The following RANBP2 variants were observed in gnomAD, a reference collection of about 807,000 sequenced individuals.
RANBP2 encodes E3 SUMO-protein ligase RanBP2.
In RANBP2, 57 loss-of-function variants were observed where a neutral mutation model predicts 303.6. The observed-to-expected ratio is 0.19, with a 90% confidence interval of 0.15 to 0.23. RANBP2 has a LOEUF of 0.23. Among genes scored for constraint, RANBP2 ranks in the 10% least tolerant of loss-of-function variants. The pLI is 1.00. For synonymous variants in RANBP2, 1,167 were observed against 1,301.5 expected, an observed-to-expected ratio of 0.90 and a Z score of 2.23; for missense variants, 3,138 against 3,780.8, an observed-to-expected ratio of 0.83 and a Z score of 4.46.
At chr2:108,858,264 A>G in the RANBP2 span, among the ~76,000 whole-genome samples, 1 of 152,150 alleles carries the variant, frequency 6.6e-6, no homozygotes, top group Non-Finnish European at 1.5e-5. Context: ...GAATCACTTG[A>G]ACCCAGGAGG....
chr2:109,611,807 G>A, the RANBP2 span, among the ~76,000 whole-genome samples: 8 of 152,242 alleles, frequency 5.3e-5, no homozygotes, highest in African/African-American at 1.9e-4. Context: ...TATAAGAATG[G>A]CTAAATTAAA....
the RANBP2 span, among the ~76,000 whole-genome samples, chr2:109,279,733 ACGCTTGGGAGCAGTGACGCGAAACT>A: frequency 7.1e-6 from 1 of 140,568 alleles, no homozygotes; most frequent in Non-Finnish European, 1.5e-5. Context: ...GAAATTCAGT[ACGCTTGGGAGCAGTGACGCGAAACT>A]TCGCAGACGC....
At chr2:109,334,192 C>T in the RANBP2 span, among the ~76,000 whole-genome samples, 4 of 151,836 alleles carry the variant, frequency 2.6e-5, no homozygotes, top group African/African-American at 9.7e-5. Context: ...CCCGTCCCTA[C>T]AAAAAAATAG....
chr2:109,148,377 G>A, the RANBP2 span, among the ~76,000 whole-genome samples: 2 of 152,248 alleles, frequency 1.3e-5, no homozygotes, highest in African/African-American at 4.8e-5. Context: ...CAGAGCTCAT[G>A]AGCCAGCCAT....
intron 6 of RANBP2, among the ~76,000 whole-genome samples, chr2:108,739,930 G>A (rs1695939594): frequency 6.6e-6 from 1 of 152,028 alleles, no homozygotes; most frequent in African/African-American, 2.4e-5. Context: ...GGAGGTTGCA[G>A]TGAGCTTAGA....
the RANBP2 span, among the ~76,000 whole-genome samples, chr2:109,045,393 C>G: frequency 2.6e-5 from 4 of 152,072 alleles, no homozygotes; most frequent in Non-Finnish European, 4.4e-5. Context: ...ACCCTTTTCC[C>G]GTAAGAGCTG....
intron 9 of RANBP2, among the ~76,000 whole-genome samples, chr2:108,751,015 T>C (rs958685323): frequency 6.6e-6 from 1 of 152,202 alleles, no homozygotes; most frequent in African/African-American, 2.4e-5. Flanking sequence ...CTAGTCAGTG[T>C]CATTTTTTAA....
chr2:108,972,405 C>T, the RANBP2 span, among the ~76,000 whole-genome samples: 25 of 152,202 alleles, frequency 1.6e-4, no homozygotes, highest in Non-Finnish European at 2.8e-4. Context: ...CCTCACGGGC[C>T]CTGGAGCCCT....
the RANBP2 span, among the ~76,000 whole-genome samples, chr2:109,571,824 G>A: frequency 6.6e-6 from 1 of 152,144 alleles, no homozygotes. Context: ...CTGAACAAGT[G>A]CTCATTAGCT....
chr2:109,630,940 C>T, the RANBP2 span, among the ~76,000 whole-genome samples: 2 of 152,224 alleles, frequency 1.3e-5, no homozygotes, highest in East Asian at 3.9e-4. Flanking sequence ...GTGGCAGGCA[C>T]CTCTAATCCC....
At chr2:109,645,626 C>A in the RANBP2 span, among the ~76,000 whole-genome samples, 1 of 152,190 alleles carries the variant, frequency 6.6e-6, no homozygotes, top group Non-Finnish European at 1.5e-5. Flanking sequence ...GGCTCAGGGT[C>A]CCCTGCCTGG....
the RANBP2 span, chr2:109,130,099 G>T: frequency 7.5e-7 from 1 of 1,335,324 alleles, no homozygotes; most frequent in Non-Finnish European, 9.6e-7. Flanking sequence ...CAGCAGGACC[G>T]CGCCGGCGGC....
At chr2:108,787,677 G>C (rs1032689197), downstream of RANBP2, among the ~76,000 whole-genome samples, 1 of 152,006 alleles carries the variant, frequency 6.6e-6, no homozygotes, top group African/African-American at 2.4e-5. Flanking sequence ...CTTTAATCTG[G>C]AACAGGTTCA....
chr2:108,742,908 C>T (rs1696225230), intron 7 of RANBP2, among the ~76,000 whole-genome samples: 1 of 152,112 alleles, frequency 6.6e-6, no homozygotes, highest in Non-Finnish European at 1.5e-5. Flanking sequence ...CCTGCCTCAG[C>T]CTCCCGAGTA....
the RANBP2 span, chr2:109,544,244 C>A: frequency 1.2e-6 from 2 of 1,612,424 alleles, no homozygotes; most frequent in Non-Finnish European, 1.7e-6. Context: ...TCAAAGCACA[C>A]TTCTAGTTTT....
the RANBP2 span, chr2:109,545,115 T>C: frequency 1.0e-6 from 1 of 985,292 alleles, no homozygotes; most frequent in Admixed American, 6.1e-5. Flanking sequence ...AGTGAGAGCA[T>C]TAAACCAGAT....
chr2:108,848,977 T>A, the RANBP2 span, among the ~76,000 whole-genome samples: 3 of 152,152 alleles, frequency 2.0e-5, no homozygotes, highest in African/African-American at 7.2e-5. Flanking sequence ...TATATCCCTG[T>A]GTTCAAGAAG....
chr2:109,097,849 C>T, the RANBP2 span, among the ~76,000 whole-genome samples: 2 of 151,930 alleles, frequency 1.3e-5, no homozygotes, highest in Admixed American at 6.6e-5. Context: ...ATGGTTCTGA[C>T]TGAGATCTTA....
chr2:109,515,470 A>T, the RANBP2 span, among the ~76,000 whole-genome samples: 3 of 152,058 alleles, frequency 2.0e-5, no homozygotes, highest in Non-Finnish European at 4.4e-5. Flanking sequence ...GGAGTGGAGG[A>T]CAAGAGCCAT....
Sources: gnomAD v4.1 joint callset for allele counts (sites outside exome capture counted in the v4.1 genomes callset) on GRCh38, gnomAD v4.1.1 for gene constraint, MANE v1.5 for transcripts, NCBI Gene and HGNC (gene_info 2026-07-23, HGNC 2026-07-21) for gene names.